The following SORCS1 variants were observed in gnomAD, a reference collection of about 807,000 sequenced individuals.
The protein encoded by SORCS1 is sortilin related VPS10 domain containing receptor 1.
SORCS1 carries 60 observed loss-of-function variants against 146.1 expected under a neutral mutation model. The ratio of observed to expected loss-of-function variants is 0.41; its 90% CI spans 0.33 to 0.51. SORCS1 has a LOEUF of 0.51. Among genes scored for constraint, SORCS1 ranks in the 20% least tolerant of loss-of-function variants. The pLI, the probability that SORCS1 is intolerant of heterozygous loss-of-function variation, is 0.21. For synonymous variants in SORCS1, 637 were observed against 584.0 expected (o/e 1.09, Z -1.31); for missense variants, 1,352 against 1,487.6 (o/e 0.91, Z 1.50).
rs903002813 is a variant in SORCS1, at chr10:107,094,172, A to G, written c.558+69797T>C. Among the ~76,000 whole-genome samples, 6 of 152,142 alleles carry G rather than the reference A, an allele frequency of 3.9e-5. 1 individual carries two copies. Among genetic ancestry groups the G allele is most frequent in the African/African-American group, 7.2e-5 (3 of 41,418 alleles). On this transcript the variant is annotated intron_variant, in intron 1 of 25. Coordinates refer to ENST00000263054, the MANE Select transcript of SORCS1 (RefSeq NM_052918.5). ...TTTAATCAAGAATATAAGATCTATG[A>G]AGGCAAACATTTTTTTTTAATTCCC...
intron 3 of SORCS1, among the ~76,000 whole-genome samples, chr10:106,804,388 T>TAAACC (rs1460212240): frequency 2.4e-5 from 2 of 84,098 alleles, no homozygotes; most frequent in Non-Finnish European, 6.1e-5. Flanking sequence ...TAAAATAAAA[T>TAAACC]AAACCTAACA....
chr10:106,677,238 T>G (rs562469434), intron 13 of SORCS1, 75 bp downstream of exon 13: 7 of 1,347,412 alleles, frequency 5.2e-6, no homozygotes, highest in Admixed American at 1.7e-5. Context: ...CACGGTTTGA[T>G]AGCCTGACTC....
At chr10:106,743,179 A>G (rs772075092) in intron 5 of SORCS1, among the ~76,000 whole-genome samples, 1 of 152,078 alleles carries the variant, frequency 6.6e-6, no homozygotes, top group Non-Finnish European at 1.5e-5. Flanking sequence ...GGGAAAGGGA[A>G]AGAGAGGGAG....
chr10:106,932,882 T>C (rs1953489767), intron 2 of SORCS1, among the ~76,000 whole-genome samples: 1 of 152,198 alleles, frequency 6.6e-6, no homozygotes. Flanking sequence ...AGAATGATTA[T>C]CAATAGCTGT....
At position 106,575,715 on chromosome 10, in the gene SORCS1, T is replaced by A. The variant is rs1589646318; in HGVS notation, c.*1705A>T. The A allele has an allele frequency of 6.5e-6, 1 of 152,676 alleles. No homozygotes were observed. Among genetic ancestry groups the A allele is most frequent in the Admixed American group, 6.5e-5 (1 of 15,282 alleles). The allele number at this position is 152,676 out of a possible 1,614,324, so 9.5% of individuals were successfully genotyped here. ...ATACTCAGAGGTCAGAGAGCACACA[T>A]GAAATCACTGGGATCATCCTAAATA... On this transcript the variant is annotated 3_prime_UTR_variant, in exon 26 of 26. Coordinates refer to ENST00000263054, the MANE Select transcript of SORCS1 (RefSeq NM_052918.5).
At chr10:106,680,757 C>G (rs1852379702) in intron 10 of SORCS1, among the ~76,000 whole-genome samples, 1 of 152,188 alleles carries the variant, frequency 6.6e-6, no homozygotes, top group Admixed American at 6.5e-5. Flanking sequence ...ACTTTCTAAT[C>G]TTATCAACTT....
intron 1 of SORCS1, among the ~76,000 whole-genome samples, chr10:107,079,774 C>A (rs139775512): frequency 1.8e-4 from 28 of 152,254 alleles, no homozygotes; most frequent in East Asian, 7.7e-4. Flanking sequence ...TCAGTACACA[C>A]GCCACAGAAA....
At chr10:107,071,884 G>A (rs1962454424) in intron 1 of SORCS1, among the ~76,000 whole-genome samples, 1 of 152,204 alleles carries the variant, frequency 6.6e-6, no homozygotes. Flanking sequence ...ACAGAAAGCA[G>A]CTACCCCAGG....
intron 2 of SORCS1, among the ~76,000 whole-genome samples, chr10:106,899,514 C>G (rs1186786949): frequency 6.6e-6 from 1 of 151,954 alleles, no homozygotes; most frequent in African/African-American, 2.4e-5. Flanking sequence ...TAAAAATCAT[C>G]CAGGGCTGCG....
At chr10:107,002,243 T>C (rs140370038) in intron 1 of SORCS1, among the ~76,000 whole-genome samples, 1 of 152,320 alleles carries the variant, frequency 6.6e-6, no homozygotes, top group African/African-American at 2.4e-5. Context: ...CAATTTAAAA[T>C]GTTACATTTT....
intron 7 of SORCS1, among the ~76,000 whole-genome samples, chr10:106,708,662 T>A (rs1854716013): frequency 6.6e-6 from 1 of 152,192 alleles, no homozygotes; most frequent in Non-Finnish European, 1.5e-5. Context: ...TGAATACATC[T>A]GCTCTGAAGT....
At position 107,035,271 on chromosome 10, in the gene SORCS1, AAAAACAAC is replaced by A. The variant is rs1374118809; in HGVS notation, c.559-78699_559-78692del. Among the ~76,000 whole-genome samples, 215 of 142,402 alleles carry A rather than the reference AAAAACAAC, an allele frequency of 1.5e-3. 1 individual carries two copies. Among genetic ancestry groups the A allele is most frequent in the African/African-American group, 5.7e-3 (202 of 35,592 alleles). The allele number at this position is 142,402 out of a possible 152,430, so 93.4% of individuals were successfully genotyped here. On this transcript the variant is annotated intron_variant, in intron 1 of 25. Coordinates refer to ENST00000263054, the MANE Select transcript of SORCS1 (RefSeq NM_052918.5). ...TGGTCCAGTGAAGCTTCAAAAAAAA[AAAAACAAC>A]AAAAAAAAAAACACAGAAAAACTTC...
rs574769298 is a variant in SORCS1, at chr10:106,819,207, A to T, written c.726+10367T>A. Among the ~76,000 whole-genome samples, 8 of 152,302 alleles carry T rather than the reference A, an allele frequency of 5.3e-5. No individual in the cohort carries two copies. The South Asian group carries it at 1.7e-3, about 32-fold the overall frequency. On this transcript the variant is annotated intron_variant, in intron 3 of 25. Transcript: ENST00000263054. ...TGGTTTTGACTCTTTATTTCCCATA[A>T]CTACTTTAGGATGTTGACACAATCA... is the stretch of plus-strand genomic sequence containing the variant.
intron 5 of SORCS1, among the ~76,000 whole-genome samples, chr10:106,735,369 C>T (rs1856878853): frequency 6.6e-6 from 1 of 152,120 alleles, no homozygotes; most frequent in Non-Finnish European, 1.5e-5. Context: ...AATTACTGCA[C>T]TTAAGAGCTT....
At chr10:106,744,274 T>G (rs537995739) in intron 5 of SORCS1, among the ~76,000 whole-genome samples, 1 of 152,148 alleles carries the variant, frequency 6.6e-6, no homozygotes, top group Admixed American at 6.5e-5. Flanking sequence ...CCAGCTAATT[T>G]TTTTGTAGTT....
chr10:106,827,284 T>C (rs1426794451), intron 3 of SORCS1, among the ~76,000 whole-genome samples: 1 of 151,696 alleles, frequency 6.6e-6, no homozygotes, highest in Non-Finnish European at 1.5e-5. Context: ...CTGAGGTCTC[T>C]TCCAGGCATA....
chr10:106,936,391 T>C (rs1417449436), intron 2 of SORCS1, among the ~76,000 whole-genome samples: 1 of 152,186 alleles, frequency 6.6e-6, no homozygotes, highest in South Asian at 2.1e-4. Context: ...GACAGGAACA[T>C]AGATTTGGTT....
intron 2 of SORCS1, among the ~76,000 whole-genome samples, chr10:106,928,183 C>A (rs555922286): frequency 1.3e-5 from 2 of 152,198 alleles, no homozygotes; most frequent in African/African-American, 4.8e-5. Flanking sequence ...AGGCTCGGGC[C>A]GCACAGGAGC....
chr10:106,845,143 T>C (rs1216845319), intron 2 of SORCS1, among the ~76,000 whole-genome samples: 36 of 109,212 alleles, frequency 3.3e-4, no homozygotes, highest in African/African-American at 1.2e-3. Context: ...TCTAGATCCC[T>C]GAGGAATCGC....
Sources: gnomAD v4.1 joint callset for allele counts (sites outside exome capture counted in the v4.1 genomes callset) on GRCh38, gnomAD v4.1.1 for gene constraint, MANE v1.5 for transcripts, NCBI Gene and HGNC (gene_info 2026-07-23, HGNC 2026-07-21) for gene names.